SKAP1: variants seen among roughly 807,000 people sequenced by gnomAD.
SKAP1 encodes src kinase-associated phosphoprotein 1.
Under a neutral mutation model 58.5 loss-of-function variants are expected in SKAP1, and 44 were observed. That is an observed-to-expected ratio of 0.75 (90% CI 0.59 to 0.97). The LOEUF (loss-of-function observed/expected upper bound fraction) is 0.97. Among genes scored for constraint, SKAP1 ranks in the 50% least tolerant of loss-of-function variants. SKAP1 has a pLI of 0.00. For missense variants in SKAP1, 390 were observed against 435.2 expected (o/e 0.90, Z 0.92); for synonymous variants, 127 against 149.7 (o/e 0.85, Z 1.11).
At chr17:48,366,356 T>G (rs1271949571) in intron 2 of SKAP1, among the ~76,000 whole-genome samples, 3 of 152,066 alleles carry the variant, frequency 2.0e-5, no homozygotes, top group Non-Finnish European at 4.4e-5. Context: ...AGTTCCTGGG[T>G]TGGCAATCAG....
upstream of SKAP1, among the ~76,000 whole-genome samples, chr17:48,435,137 T>C (rs2067933410): frequency 6.6e-6 from 1 of 152,206 alleles, no homozygotes; most frequent in African/African-American, 2.4e-5. Flanking sequence ...AGACCCTGTC[T>C]GAAATAAATA....
At chr17:48,417,419 T>G (rs375540222) in intron 1 of SKAP1, among the ~76,000 whole-genome samples, 1 of 152,342 alleles carries the variant, frequency 6.6e-6, no homozygotes, top group African/African-American at 2.4e-5. Flanking sequence ...TTGCAATCTT[T>G]ATTTGAGAGT....
chr17:48,314,709 TA>T, intron 4 of SKAP1, among the ~76,000 whole-genome samples: 1 of 152,190 alleles, frequency 6.6e-6, no homozygotes, highest in South Asian at 2.1e-4. Flanking sequence ...AAAAGGCAGG[TA>T]AAATCTGCTA....
intron 3 of SKAP1, among the ~76,000 whole-genome samples, chr17:48,350,874 AT>A (rs1336312927): frequency 3.3e-5 from 5 of 152,292 alleles, no homozygotes; most frequent in African/African-American, 1.2e-4. Context: ...TCTATTTAAT[AT>A]TTAAGATCCC....
chr17:48,182,984 A>G (rs1292576419), intron 7 of SKAP1, among the ~76,000 whole-genome samples: 1 of 152,220 alleles, frequency 6.6e-6, no homozygotes, highest in East Asian at 1.9e-4. Context: ...GCAAAAGAAC[A>G]GGAATGAGAA....
chr17:48,210,775 G>A (rs1353522977), intron 4 of SKAP1, among the ~76,000 whole-genome samples: 1 of 152,130 alleles, frequency 6.6e-6, no homozygotes, highest in Non-Finnish European at 1.5e-5. Flanking sequence ...GGCTTTAATC[G>A]TTTCCATGGC....
At chr17:48,370,641 A>T (rs2067072414) in intron 2 of SKAP1, among the ~76,000 whole-genome samples, 1 of 152,196 alleles carries the variant, frequency 6.6e-6, no homozygotes, top group African/African-American at 2.4e-5. Context: ...GGTGCTGGTG[A>T]GGCTGTGGAG....
At chr17:48,398,418 GA>G (rs1299169321) in intron 1 of SKAP1, among the ~76,000 whole-genome samples, 4 of 151,950 alleles carry the variant, frequency 2.6e-5, no homozygotes, top group African/African-American at 9.7e-5. Context: ...GCCTCCCACT[GA>G]TTCTACATTA....
chr17:48,326,799 T>C (rs1314172225), intron 4 of SKAP1, among the ~76,000 whole-genome samples: 1 of 152,156 alleles, frequency 6.6e-6, no homozygotes, highest in African/African-American at 2.4e-5. Flanking sequence ...TGGGAATTTA[T>C]TATAAAGCTC....
chr17:48,169,441 C>G (rs1042173303), intron 10 of SKAP1, among the ~76,000 whole-genome samples: 1 of 152,174 alleles, frequency 6.6e-6, no homozygotes, highest in African/African-American at 2.4e-5. Flanking sequence ...GAATTCTGTA[C>G]AGTAAGTAGA....
At chr17:48,365,425 C>T (rs1322090474) in intron 2 of SKAP1, among the ~76,000 whole-genome samples, 1 of 152,204 alleles carries the variant, frequency 6.6e-6, no homozygotes, top group African/African-American at 2.4e-5. Context: ...AGGAACTTTA[C>T]ATTATTCTTT....
intron 4 of SKAP1, among the ~76,000 whole-genome samples, chr17:48,327,368 T>C (rs1211230347): frequency 1.3e-5 from 2 of 152,250 alleles, no homozygotes; most frequent in African/African-American, 4.8e-5. Flanking sequence ...CAGAAAGGTA[T>C]AAAGTTCGAG....
intron 4 of SKAP1, among the ~76,000 whole-genome samples, chr17:48,343,586 T>C (rs956399752): frequency 1.3e-5 from 2 of 152,230 alleles, no homozygotes; most frequent in African/African-American, 4.8e-5. Flanking sequence ...AACAAAAATT[T>C]ATTAAGTAAG....
chr17:48,431,073 T>C (rs184425966), upstream of SKAP1, among the ~76,000 whole-genome samples: 8 of 152,320 alleles, frequency 5.3e-5, no homozygotes, highest in Admixed American at 3.9e-4. Flanking sequence ...AAGAGGTTTT[T>C]TAAGTACAAT....
intron 10 of SKAP1, among the ~76,000 whole-genome samples, chr17:48,164,207 A>G (rs2064106778): frequency 6.6e-6 from 1 of 152,246 alleles, no homozygotes; most frequent in African/African-American, 2.4e-5. Flanking sequence ...AGGATATATT[A>G]TGAATTTTCC....
At chr17:48,285,425 A>C (rs1389280838) in intron 4 of SKAP1, among the ~76,000 whole-genome samples, 1 of 152,038 alleles carries the variant, frequency 6.6e-6, no homozygotes, top group Non-Finnish European at 1.5e-5. Context: ...GACCAGCCTG[A>C]CCAACATGGT....
intron 2 of SKAP1, among the ~76,000 whole-genome samples, chr17:48,394,230 G>GA (rs1489933962): frequency 1.3e-5 from 2 of 151,788 alleles, no homozygotes; most frequent in Non-Finnish European, 2.9e-5. Context: ...CTAAAAAAGC[G>GA]AAAAACAAAC....
chr17:48,432,469 G>A (rs1941655152), upstream of SKAP1, among the ~76,000 whole-genome samples: 1 of 151,902 alleles, frequency 6.6e-6, no homozygotes, highest in Non-Finnish European at 1.5e-5. Context: ...ATAGCAATGG[G>A]CAGACTACCC....
At chr17:48,316,956 A>G (rs946149267) in intron 4 of SKAP1, among the ~76,000 whole-genome samples, 19 of 152,078 alleles carry the variant, frequency 1.2e-4, no homozygotes, top group Non-Finnish European at 2.4e-4. Flanking sequence ...AAAAATCCCA[A>G]TCTGATCCTT....
Sources: gnomAD v4.1 joint callset for allele counts (sites outside exome capture counted in the v4.1 genomes callset) on GRCh38, gnomAD v4.1.1 for gene constraint, MANE v1.5 for transcripts, NCBI Gene and HGNC (gene_info 2026-07-23, HGNC 2026-07-21) for gene names.